Variants in ATG2B observed in about 807,000 individuals in gnomAD.
The protein encoded by ATG2B is autophagy-related protein 2 homolog B.
Under a neutral mutation model 241.3 loss-of-function variants are expected in ATG2B, and 121 were observed. That is an observed-to-expected ratio of 0.50 (90% CI 0.43 to 0.58). The LOEUF is 0.58. Among genes scored for constraint, ATG2B ranks in the 20% least tolerant of loss-of-function variants. ATG2B has a pLI of 0.00. For missense variants in ATG2B, 2,306 were observed against 2,491.6 expected (o/e 0.93, Z 1.59); for synonymous variants, 858 against 876.6 (o/e 0.98, Z 0.37).
At chr14:96,334,320 CCTA>C in intron 7 of ATG2B, 82 bp downstream of exon 7, 1 of 784,344 alleles carries the variant, frequency 1.3e-6, no homozygotes, top group Non-Finnish European at 2.0e-6. Context: ...AATAGACTTT[CCTA>C]CATGTACATA....
intron 34 of ATG2B, among the ~76,000 whole-genome samples, chr14:96,299,388 C>T (rs903366406): frequency 6.6e-6 from 1 of 152,204 alleles, no homozygotes; most frequent in Admixed American, 6.5e-5. Context: ...GTACTCACCA[C>T]AGCACATTAA....
rs750416870 is a variant in ATG2B, at chr14:96,363,001, C to A, written c.-25G>T. 5 of 1,611,886 alleles carry A rather than the reference C, an allele frequency of 3.1e-6. No homozygotes were observed. Among genetic ancestry groups the A allele is most frequent in the Non-Finnish European group, 4.2e-6 (5 of 1,179,446 alleles). On this transcript the variant is annotated 5_prime_UTR_variant, in exon 1 of 42. Coordinates refer to ENST00000359933, the MANE Select transcript of ATG2B (RefSeq NM_018036.7). ...TAGTGACTGCTGGCAGCTGGGCTGA[C>A]TGCGGCTGCGGGTTGCGACGGCTCC... is the stretch of plus-strand genomic sequence containing the variant.
chr14:96,332,450 A>T (rs753253069), intron 9 of ATG2B, 40 bp from the exon 10 acceptor site: 2 of 1,612,268 alleles, frequency 1.2e-6, no homozygotes, highest in Non-Finnish European at 1.7e-6. Flanking sequence ...TGAAGTGTAG[A>T]ATTTTAGAAG....
Position 96,290,260 on chromosome 14 carries a change from TA to T in ATG2B, c.5856+175del, listed in dbSNP as rs1566712748. 2 of 1,251,674 alleles carry T rather than the reference TA, an allele frequency of 1.6e-6. No homozygotes were observed. The highest frequency in any genetic ancestry group is 2.1e-6 in the Non-Finnish European group (2 of 948,376). 77.5% of individuals were successfully genotyped at this position (1,251,674 alleles called of 1,614,324 possible). A position where few individuals can be genotyped will look rare whatever the true frequency, so the allele number is the denominator to read the frequency against. On this transcript the variant is annotated intron_variant, in intron 40 of 41. Coordinates refer to ENST00000359933, the MANE Select transcript of ATG2B (RefSeq NM_018036.7). This position sits in a 1 kb window ranked among gnomAD's most constrained non-coding sequence, Gnocchi z 4.4. Reference sequence around the variant, plus strand: ...GACACTGTATTCCACTGCTTTATTCTAATTATTTAACACTAAACATTTAAGC... The same window carrying T: ...GACACTGTATTCCACTGCTTTATTCTATTATTTAACACTAAACATTTAAGC...
At chr14:96,308,283 T>TGTATATATATATATA (rs1491275020) in intron 29 of ATG2B, among the ~76,000 whole-genome samples, 38 of 30,208 alleles carry the variant, frequency 1.3e-3, no homozygotes, top group Non-Finnish European at 1.5e-3. Context: ...TATATATATA[T>TGTATATATATATATA]TTTTTTTTTT....
chr14:96,305,929 T>C (rs1886934163), intron 30 of ATG2B, 114 bp from the exon 31 acceptor site: 1 of 775,660 alleles, frequency 1.3e-6, no homozygotes, highest in Admixed American at 2.7e-5. Context: ...AATTCCAGTA[T>C]ATAAAATAAG....
chr14:96,306,983 T>C (rs1469251649), intron 29 of ATG2B, 67 bp from the exon 30 acceptor site: 2 of 1,328,192 alleles, frequency 1.5e-6, no homozygotes, highest in Admixed American at 1.9e-5. Flanking sequence ...ATTTTAACCA[T>C]GTGTCAGATA....
chr14:96,362,755 G>C, intron 1 of ATG2B, 60 bp downstream of exon 1: 2 of 1,540,352 alleles, frequency 1.3e-6, no homozygotes, highest in Non-Finnish European at 1.8e-6. Context: ...GATGGCACTG[G>C]TTCAAAGCGC....
Position 96,323,876 on chromosome 14 carries a change from C to T in ATG2B, c.2540+20G>A, listed in dbSNP as rs770622775. 1 of 1,452,382 alleles carries T rather than the reference C, an allele frequency of 6.9e-7. No individual in the cohort carries two copies. The highest frequency in any genetic ancestry group is 2.3e-5 in the East Asian group (1 of 43,784). 90.0% of individuals were successfully genotyped at this position (1,452,382 alleles called of 1,614,324 possible). On this transcript the variant is annotated intron_variant, in intron 16 of 41. Coordinates refer to ENST00000359933, the MANE Select transcript of ATG2B (RefSeq NM_018036.7). ...TTTTAAAAGGAAAATCCTATTAAACCTATGCATTTGCTTACTCACCGTGGC... is the reference window on the plus strand; with the variant it reads ...TTTTAAAAGGAAAATCCTATTAAACTTATGCATTTGCTTACTCACCGTGGC...
intron 33 of ATG2B, 87 bp from the exon 34 acceptor site, chr14:96,302,195 C>T (rs1886811897): frequency 2.5e-6 from 2 of 794,316 alleles, no homozygotes; most frequent in Non-Finnish European, 4.1e-6. Flanking sequence ...AAGAAAAATT[C>T]CTATTCCTAT....
intron 15 of ATG2B, among the ~76,000 whole-genome samples, chr14:96,324,907 G>A (rs1887550144): frequency 6.6e-6 from 1 of 152,094 alleles, no homozygotes; most frequent in South Asian, 2.1e-4. Context: ...CATGAGGGGT[G>A]GGAGTGTGGT....
intron 23 of ATG2B, 61 bp downstream of exon 23, chr14:96,315,093 G>A (rs1216376473): frequency 8.4e-7 from 1 of 1,191,176 alleles, no homozygotes. Flanking sequence ...TTTTCAGTAT[G>A]TGTATTAGAT....
At chr14:96,331,117 G>A (rs766294484) in intron 11 of ATG2B, among the ~76,000 whole-genome samples, 3 of 152,226 alleles carry the variant, frequency 2.0e-5, no homozygotes, top group Non-Finnish European at 4.4e-5. Context: ...AGCTGGGCAG[G>A]GAACTAAAGA....
chr14:96,330,167 T>G (rs1269207973), intron 11 of ATG2B, among the ~76,000 whole-genome samples: 7 of 151,214 alleles, frequency 4.6e-5, no homozygotes, highest in Admixed American at 4.6e-4. Flanking sequence ...CTGGCCAGTA[T>G]GGTGAAACCC....
intron 1 of ATG2B, among the ~76,000 whole-genome samples, chr14:96,355,116 T>C (rs751374449): frequency 3.9e-5 from 6 of 152,234 alleles, no homozygotes; most frequent in Non-Finnish European, 7.3e-5. Context: ...GACAGTTTCT[T>C]TTGCTGTGCA....
At chr14:96,317,366 C>T in intron 19 of ATG2B, 49 bp from the exon 20 acceptor site, 7 of 1,476,978 alleles carry the variant, frequency 4.7e-6, no homozygotes, top group Non-Finnish European at 6.5e-6. Context: ...ATTAAAACAG[C>T]AACATAAAAA....
intron 5 of ATG2B, among the ~76,000 whole-genome samples, chr14:96,342,892 T>C (rs1253119012): frequency 6.6e-6 from 1 of 152,124 alleles, no homozygotes; most frequent in East Asian, 1.9e-4. Context: ...CAAGATACAG[T>C]ACCCAACATT....
chr14:96,309,080 C>T (rs1189386445), intron 29 of ATG2B, among the ~76,000 whole-genome samples: 1 of 152,204 alleles, frequency 6.6e-6, no homozygotes, highest in Non-Finnish European at 1.5e-5. Context: ...AGCCATCTTA[C>T]TTTACTAAAG....
chr14:96,362,168 T>TA (rs1888654887), intron 1 of ATG2B, among the ~76,000 whole-genome samples: 1 of 152,164 alleles, frequency 6.6e-6, no homozygotes, highest in South Asian at 2.1e-4. Context: ...CACCTGCTTT[T>TA]ACGATCTGTC....
Sources: gnomAD v4.1 joint callset for allele counts (sites outside exome capture counted in the v4.1 genomes callset) on GRCh38, gnomAD v4.1.1 for gene constraint, Gnocchi (gnomAD v3.1) non-coding constraint, MANE v1.5 for transcripts, NCBI Gene and HGNC (gene_info 2026-07-23, HGNC 2026-07-21) for gene names.